NCOR2: variants seen among roughly 807,000 people sequenced by gnomAD.
NCOR2 encodes nuclear receptor corepressor 2, also known as CTG repeat protein 26.
A neutral mutation model predicts 262.9 loss-of-function variants in NCOR2; 81 were observed. The observed-to-expected ratio is 0.31, with a 90% confidence interval of 0.26 to 0.37. The LOEUF (loss-of-function observed/expected upper bound fraction) is 0.37. NCOR2 is among the 10% of genes least tolerant of loss of function. The pLI is 1.00. For synonymous variants in NCOR2, 1,659 were observed against 1,559.3 expected (o/e 1.06, Z -1.51); for missense variants, 3,385 against 3,621.4 (o/e 0.93, Z 1.68).
At position 124,504,072 on chromosome 12, in the gene NCOR2, C is replaced by G. The variant is rs1178586855; in HGVS notation, c.-117-8704G>C. The stretch of plus-strand genomic sequence containing the variant: ...AAACCCAGACTCAGCGTGGGAGGGT[C>G]TCAACTCTCCCGAGTCCCCCACCTG... On this transcript the variant is annotated intron_variant, in intron 1 of 46. Coordinates refer to the NCOR2 transcript ENST00000404621. The surrounding 1 kb of genome is among the most constrained non-coding windows in gnomAD (Gnocchi z 4.5). Among the ~76,000 whole-genome samples the G allele has an allele frequency of 6.6e-6, 1 of 152,152 alleles. No homozygotes were observed. Among genetic ancestry groups the G allele is most frequent in the Non-Finnish European group, 1.5e-5 (1 of 68,010 alleles).
intron 1 of NCOR2, among the ~76,000 whole-genome samples, chr12:124,554,847 G>T (rs544403802): frequency 6.6e-6 from 1 of 152,358 alleles, no homozygotes; most frequent in South Asian, 2.1e-4. Flanking sequence ...GACAGACAGG[G>T]TCAGCTTCCT....
chr12:124,382,634 C>A (rs1380873553), intron 17 of NCOR2, among the ~76,000 whole-genome samples: 3 of 152,228 alleles, frequency 2.0e-5, no homozygotes, highest in Non-Finnish European at 2.9e-5. Flanking sequence ...ATGCAGCCCC[C>A]ACTCCCTCCA....
Position 124,394,407 on chromosome 12 carries a change from C to T in NCOR2, c.1876+3712G>A, listed in dbSNP as rs576392098. Reference sequence around the variant, plus strand: ...CCCTCAGCTCTTCTGTGTACTTTCACCAAAACCCCAGGAAGGTGGGTGTGC... The same window carrying T: ...CCCTCAGCTCTTCTGTGTACTTTCATCAAAACCCCAGGAAGGTGGGTGTGC... On this transcript the variant is annotated intron_variant, in intron 16 of 46. Coordinates refer to ENST00000405201, the Ensembl canonical transcript of NCOR2. Among the ~76,000 whole-genome samples the T allele has an allele frequency of 8.5e-5, 13 of 152,298 alleles. No homozygotes were observed. In the South Asian group the frequency reaches 2.3e-3, roughly 27 times the overall value.
intron 7 of NCOR2, among the ~76,000 whole-genome samples, chr12:124,442,001 C>T (rs2044837835): frequency 6.6e-6 from 1 of 152,200 alleles, no homozygotes; most frequent in African/African-American, 2.4e-5. Flanking sequence ...GACACGAGCA[C>T]AAATGTCACG....
At chr12:124,417,180 G>C (rs11057617) in intron 13 of NCOR2, among the ~76,000 whole-genome samples, 61 of 29,746 alleles carry the variant, frequency 2.1e-3, no homozygotes, top group South Asian at 3.0e-3. Flanking sequence ...ACTCCACGCA[G>C]AGCAGGCCGG....
rs1304761033 is a variant in NCOR2, at chr12:124,495,217, C to A, written c.35G>T (p.Trp12Leu). The change falls in exon 1 of 47, where the codon TGG becomes TTG. Residue 12 changes from tryptophan to leucine, a missense_variant. Physicochemically the swap from Trp to Leu is moderately conservative, Grantham distance 61. Coordinates refer to ENST00000405201, the Ensembl canonical transcript of NCOR2. The surrounding 1 kb of genome is among the most constrained non-coding windows in gnomAD (Gnocchi z 4.4). ...CGGGTAGCGGGGCTCAGTGGCCCTCCACGTCTGTGCCACAGGCTGTGTGGA... is the reference window on the plus strand; with the variant it reads ...CGGGTAGCGGGGCTCAGTGGCCCTCAACGTCTGTGCCACAGGCTGTGTGGA... 6.2e-6 allele frequency: 10 copies of A among 1,613,778 alleles called. No individual in the cohort carries two copies. The highest frequency in any genetic ancestry group is 8.5e-6 in the Non-Finnish European group (10 of 1,179,890).
chr12:124,498,979 A>C (rs901814692), upstream of NCOR2, among the ~76,000 whole-genome samples: 8 of 152,256 alleles, frequency 5.3e-5, no homozygotes, highest in African/African-American at 1.9e-4. Context: ...CCAGGAGGGC[A>C]GGGTGAGGCA....
chr12:124,464,076 G>A (rs992820225), intron 5 of NCOR2, among the ~76,000 whole-genome samples: 3 of 152,368 alleles, frequency 2.0e-5, no homozygotes, highest in South Asian at 4.1e-4. Context: ...CAGAAATCAT[G>A]TCCCATGGGG....
In NCOR2 at chr12:124,389,705, A is replaced by C. The variant is rs980721433; in HGVS notation, c.1877-3818T>G. Among the ~76,000 whole-genome samples, 1 of 152,020 alleles carries C rather than the reference A, an allele frequency of 6.6e-6. No individual in the cohort carries two copies. Among genetic ancestry groups the C allele is most frequent in the East Asian group, 1.9e-4 (1 of 5,164 alleles). ...CATTCCGGAGGGATCCCGGGATTTG[A>C]GGAGCCTTTGCAGGGTGCACATGAG... On this transcript the variant is annotated intron_variant, in intron 16 of 46. Transcript: ENST00000405201. This position sits in a 1 kb window ranked among gnomAD's most constrained non-coding sequence, Gnocchi z 4.4.
chr12:124,336,547 A>C, intron 38 of NCOR2: 1 of 956,108 alleles, frequency 1.0e-6, no homozygotes, highest in Non-Finnish European at 1.2e-6. Flanking sequence ...ACCAAAACCA[A>C]CAACAAAAAA....
chr12:124,422,956 G>C (rs1459407989), intron 11 of NCOR2, among the ~76,000 whole-genome samples: 1 of 152,166 alleles, frequency 6.6e-6, no homozygotes, highest in Non-Finnish European at 1.5e-5. Context: ...GGTCTGCTTG[G>C]GAACATGGCA....
intron 3 of NCOR2, among the ~76,000 whole-genome samples, chr12:124,473,594 A>AT (rs1407902933): frequency 1.8e-4 from 28 of 151,670 alleles, no homozygotes; most frequent in Non-Finnish European, 3.2e-4. Flanking sequence ...ATATATATAT[A>AT]TATTTTTTCT....
chr12:124,473,462 C>T (rs1184065434), intron 3 of NCOR2, among the ~76,000 whole-genome samples: 4 of 152,226 alleles, frequency 2.6e-5, no homozygotes, highest in Non-Finnish European at 5.9e-5. Flanking sequence ...GAACATCACA[C>T]TCCAAGTTCT....
intron 8 of NCOR2, among the ~76,000 whole-genome samples, chr12:124,436,340 G>A (rs981324792): frequency 6.6e-6 from 1 of 152,150 alleles, no homozygotes; most frequent in Non-Finnish European, 1.5e-5. Context: ...CCTCAACACA[G>A]CTGAGGGAGA....
chr12:124,446,865 T>G (rs967304342), intron 7 of NCOR2, among the ~76,000 whole-genome samples: 4 of 152,242 alleles, frequency 2.6e-5, no homozygotes, highest in Non-Finnish European at 5.9e-5. Flanking sequence ...AGTTGACTAC[T>G]TACAGTGTAG....
At chr12:124,411,330 C>T (rs1015487843) in intron 13 of NCOR2, among the ~76,000 whole-genome samples, 1 of 152,104 alleles carries the variant, frequency 6.6e-6, no homozygotes, top group African/African-American at 2.4e-5. Flanking sequence ...GAGCCAGGGG[C>T]TTGGGCAGAG....
intron 34 of NCOR2, 113 bp from the exon 37 acceptor site, chr12:124,340,864 G>T: frequency 1.9e-6 from 2 of 1,076,586 alleles, no homozygotes; most frequent in Non-Finnish European, 2.4e-6. Flanking sequence ...AGCCAGCAGA[G>T]CTGGTGGCAG....
At chr12:124,325,690 A>G (rs566604159) in intron 46 of NCOR2, 107 bp from the exon 49 acceptor site, 14 of 723,534 alleles carry the variant, frequency 1.9e-5, no homozygotes, top group Non-Finnish European at 1.4e-5. Flanking sequence ...TTTCTGTCCA[A>G]CAGTCCTCCC....
intron 3 of NCOR2, among the ~76,000 whole-genome samples, chr12:124,480,254 A>G (rs1487609299): frequency 9.2e-5 from 14 of 152,192 alleles, no homozygotes; most frequent in Admixed American, 2.0e-4. Context: ...GCTGCTAAGG[A>G]GCTTAGGGTG....
Sources: gnomAD v4.1 joint callset for allele counts (sites outside exome capture counted in the v4.1 genomes callset) on GRCh38, gnomAD v4.1.1 for gene constraint, Gnocchi (gnomAD v3.1) non-coding constraint, MANE v1.5 for transcripts, NCBI Gene and HGNC (gene_info 2026-07-23, HGNC 2026-07-21) for gene names.